The following NT5DC1 variants were observed in gnomAD, a reference collection of about 807,000 sequenced individuals.
The protein encoded by NT5DC1 is 5'-nucleotidase domain-containing protein 1.
In NT5DC1, 42 loss-of-function variants were observed where a neutral mutation model predicts 59.4. That is an observed-to-expected ratio of 0.71 (90% CI 0.55 to 0.92). The LOEUF is 0.92. Among genes scored for constraint, NT5DC1 ranks in the 40% least tolerant of loss-of-function variants. NT5DC1 has a pLI of 0.00. For missense variants in NT5DC1, 501 were observed against 537.1 expected (o/e 0.93, Z 0.66); for synonymous variants, 172 against 188.1 (o/e 0.91, Z 0.70).
intron 6 of NT5DC1, among the ~76,000 whole-genome samples, chr6:116,200,559 T>C (rs1781327607): frequency 6.6e-6 from 1 of 152,046 alleles, no homozygotes; most frequent in African/African-American, 2.4e-5. Flanking sequence ...AAAATTTTAT[T>C]TTAAAAAGCA....
intron 11 of NT5DC1, among the ~76,000 whole-genome samples, chr6:116,241,957 A>T (rs1329289502): frequency 1.4e-5 from 2 of 146,536 alleles, no homozygotes; most frequent in Non-Finnish European, 1.5e-5. Context: ...AAAAAAAAAA[A>T]AACAAAGAAT....
intron 6 of NT5DC1, chr6:116,120,970 AG>A (rs775544392): frequency 6.2e-7 from 1 of 1,613,618 alleles, no homozygotes; most frequent in South Asian, 1.1e-5. Flanking sequence ...CATCTGACCC[AG>A]GGGAACCCCT....
intron 6 of NT5DC1, among the ~76,000 whole-genome samples, chr6:116,127,400 T>G (rs1461803139): frequency 6.6e-6 from 1 of 152,180 alleles, no homozygotes; most frequent in Non-Finnish European, 1.5e-5. Flanking sequence ...TTAAAAAAAT[T>G]TACATTGTTG....
chr6:116,120,388 A>C (rs147134977), intron 6 of NT5DC1: 1 of 1,614,254 alleles, frequency 6.2e-7, no homozygotes, highest in East Asian at 2.2e-5. Context: ...GTTGCCTGTT[A>C]TACAAAATTT....
intron 6 of NT5DC1, among the ~76,000 whole-genome samples, chr6:116,139,513 G>C (rs1048379256): frequency 6.6e-6 from 1 of 152,076 alleles, no homozygotes; most frequent in Non-Finnish European, 1.5e-5. Context: ...ACAGTGTAAT[G>C]ATATTGAACT....
intron 6 of NT5DC1, among the ~76,000 whole-genome samples, chr6:116,164,954 G>A (rs1005295145): frequency 2.0e-5 from 3 of 152,082 alleles, no homozygotes; most frequent in Admixed American, 6.6e-5. Context: ...AAAAATTAGC[G>A]GACATGGTGG....
Position 116,249,324 on chromosome 6 carries a change from A to G in NT5DC1, c.*5300A>G, listed in dbSNP as rs1771905363. ...GAGAAATTTTGGGCCATTTTTGTCA[A>G]ATTTTTGCTTAGATGGCTACAAATA... On this transcript the variant is annotated 3_prime_UTR_variant, in exon 12 of 12. Coordinates refer to ENST00000319550, the MANE Select transcript of NT5DC1 (RefSeq NM_152729.3). The G allele has an allele frequency of 1.3e-5, 2 of 152,244 alleles. No individual in the cohort carries two copies. Among genetic ancestry groups the G allele is most frequent in the African/African-American group, 4.8e-5 (2 of 41,478 alleles). 9.4% of individuals were successfully genotyped at this position (152,244 alleles called of 1,614,324 possible).
chr6:116,232,237 T>A (rs542249478), intron 8 of NT5DC1, among the ~76,000 whole-genome samples: 3 of 152,322 alleles, frequency 2.0e-5, no homozygotes, highest in South Asian at 4.1e-4. Flanking sequence ...AATAGTCACA[T>A]TCTGATATAC....
chr6:116,210,596 A>T (rs1181295067), intron 6 of NT5DC1, among the ~76,000 whole-genome samples: 1 of 151,960 alleles, frequency 6.6e-6, no homozygotes. Flanking sequence ...TGGGGTCATT[A>T]TGAGGATTAA....
At chr6:116,141,631 T>C (rs1308403215) in intron 6 of NT5DC1, among the ~76,000 whole-genome samples, 1 of 152,124 alleles carries the variant, frequency 6.6e-6, no homozygotes, top group African/African-American at 2.4e-5. Flanking sequence ...ATAGAATTTC[T>C]GATTCTAGGT....
chr6:116,166,152 C>G (rs918862562), intron 6 of NT5DC1, among the ~76,000 whole-genome samples: 2 of 152,164 alleles, frequency 1.3e-5, no homozygotes, highest in African/African-American at 4.8e-5. Context: ...TTCAGAGGTT[C>G]TCGGGAGTCA....
intron 6 of NT5DC1, among the ~76,000 whole-genome samples, chr6:116,171,003 C>T (rs961205940): frequency 6.6e-6 from 1 of 152,128 alleles, no homozygotes; most frequent in Non-Finnish European, 1.5e-5. Context: ...TAGCCTGTTA[C>T]CACCCTACCA....
intron 6 of NT5DC1, among the ~76,000 whole-genome samples, chr6:116,126,848 G>A (rs1779329192): frequency 6.6e-6 from 1 of 151,918 alleles, no homozygotes; most frequent in Non-Finnish European, 1.5e-5. Flanking sequence ...TTTGCTTTCA[G>A]CTTAAAAAAA....
At chr6:116,241,922 CAAAAA>C (rs772261524) in intron 11 of NT5DC1, among the ~76,000 whole-genome samples, 1 of 10,546 alleles carries the variant, frequency 9.5e-5, no homozygotes, top group Non-Finnish European at 1.5e-4. Context: ...GACTCCGTCT[CAAAAA>C]AAAAAAAAAA....
intron 6 of NT5DC1, among the ~76,000 whole-genome samples, chr6:116,216,460 C>T (rs1463606004): frequency 2.0e-5 from 3 of 150,998 alleles, no homozygotes; most frequent in African/African-American, 4.9e-5. Context: ...GGAGTAGGGC[C>T]GGGATATGCA....
chr6:116,109,367 C>T (rs1350907713), intron 3 of NT5DC1, among the ~76,000 whole-genome samples: 1 of 152,206 alleles, frequency 6.6e-6, no homozygotes, highest in Non-Finnish European at 1.5e-5. Context: ...GTTTATTTCT[C>T]AGGCATTGAG....
Position 116,199,999 on chromosome 6 carries a change from T to A in NT5DC1, c.530-21055T>A, listed in dbSNP as rs1204844. Among the ~76,000 whole-genome samples the A allele has an allele frequency of 4.3e-5, 5 of 115,348 alleles. 1 individual carries two copies. Among genetic ancestry groups the A allele is most frequent in the African/African-American group, 1.3e-4 (5 of 37,876 alleles). The allele number at this position is 115,348 out of a possible 152,430, so 75.7% of individuals were successfully genotyped here. ...CTTACAAAGAGTACAGTATGGAAAGTGGGGGGGGAAGAGTAACTTTGCAGT... is the reference window on the plus strand; with the variant it reads ...CTTACAAAGAGTACAGTATGGAAAGAGGGGGGGGAAGAGTAACTTTGCAGT... On this transcript the variant is annotated intron_variant, in intron 6 of 11. Coordinates refer to ENST00000319550, the MANE Select transcript of NT5DC1 (RefSeq NM_152729.3).
chr6:116,110,186 A>G (rs1445918887), intron 3 of NT5DC1, among the ~76,000 whole-genome samples: 1 of 152,246 alleles, frequency 6.6e-6, no homozygotes, highest in Non-Finnish European at 1.5e-5. Flanking sequence ...AAACTGGATA[A>G]GGGGGAACTA....
At chr6:116,200,858 CTG>C (rs2114509225) in intron 6 of NT5DC1, among the ~76,000 whole-genome samples, 1 of 151,878 alleles carries the variant, frequency 6.6e-6, no homozygotes, top group Admixed American at 6.6e-5. Context: ...ACTTTTTCTT[CTG>C]AGGAAATCCA....
Sources: allele counts gnomAD v4.1 joint callset (sites outside exome capture counted in the v4.1 genomes callset), GRCh38; gene constraint gnomAD v4.1.1; transcripts MANE v1.5; gene names NCBI Gene and HGNC (gene_info 2026-07-23, HGNC 2026-07-21).